ATPAF1: variants seen among roughly 807,000 people sequenced by gnomAD.
The protein encoded by ATPAF1 is homolog of yeast ATP11.
A neutral mutation model predicts 43.9 loss-of-function variants in ATPAF1; 26 were observed. That is an observed-to-expected ratio of 0.59 (90% CI 0.43 to 0.82). The LOEUF (loss-of-function observed/expected upper bound fraction) is 0.82, where lower values mean the gene tolerates loss of function less well. Ranked by LOEUF, ATPAF1 falls within the 40% of genes least tolerant of loss-of-function variation. ATPAF1 has a pLI of 0.00. For missense variants in ATPAF1, 366 were observed against 435.0 expected, an observed-to-expected ratio of 0.84 and a Z score of 1.41; for synonymous variants, 157 against 168.0, an observed-to-expected ratio of 0.93 and a Z score of 0.50.
At position 46,663,942 on chromosome 1, in the gene ATPAF1, A is replaced by G. The variant is rs1676444741; in HGVS notation, c.375+1314T>C. The G allele has an allele frequency of 4.7e-6, 6 of 1,266,374 alleles. No homozygotes were observed. In the South Asian group the frequency reaches 7.6e-5, roughly 16 times the overall value. The allele number at this position is 1,266,374 out of a possible 1,614,324, so 78.4% of individuals were successfully genotyped here. A position where few individuals can be genotyped will look rare whatever the true frequency, so the allele number is the denominator to read the frequency against. On this transcript the variant is annotated intron_variant, in intron 2 of 8. Transcript: ENST00000574428. ...CACCATCCTAGGTTAGAATTTTTCA[A>G]ATAATAGGTTGTGAAATACATTTAG...
At chr1:46,635,867 T>A in exon 9 of ATPAF1, 1 of 1,614,242 alleles carries the variant, frequency 6.2e-7, no homozygotes, top group Non-Finnish European at 8.5e-7. Flanking sequence ...TTTGAACTCA[T>A]TTGGTCTGAG....
At chr1:46,633,877 C>T (rs541391409), downstream of ATPAF1, 51 of 454,498 alleles carry the variant, frequency 1.1e-4, no homozygotes, top group African/African-American at 9.6e-4. Flanking sequence ...ACAACCCCAT[C>T]TGATGTCAAA....
chr1:46,647,757 C>T (rs1446012447), intron 6 of ATPAF1, among the ~76,000 whole-genome samples: 2 of 152,168 alleles, frequency 1.3e-5, no homozygotes, highest in African/African-American at 4.8e-5. Flanking sequence ...GTGGTTGTAC[C>T]ATTTTGCAAT....
intron 6 of ATPAF1, among the ~76,000 whole-genome samples, chr1:46,650,258 G>C (rs903823898): frequency 6.7e-6 from 1 of 149,926 alleles, no homozygotes; most frequent in Non-Finnish European, 1.5e-5. Context: ...AAAAAAAAAA[G>C]ACAACCTGTA....
intron 2 of ATPAF1, among the ~76,000 whole-genome samples, chr1:46,660,061 C>T (rs1360195734): frequency 2.0e-5 from 3 of 151,522 alleles, no homozygotes; most frequent in Non-Finnish European, 4.4e-5. Flanking sequence ...ACTGCAACCT[C>T]TGCCTCCCAG....
chr1:46,661,912 T>C (rs1436102752), intron 2 of ATPAF1, among the ~76,000 whole-genome samples: 1 of 151,508 alleles, frequency 6.6e-6, no homozygotes, highest in Non-Finnish European at 1.5e-5. Context: ...TTTTTTTTTT[T>C]AAGATGGAGT....
At position 46,658,686 on chromosome 1, in the gene ATPAF1, C is replaced by A; in HGVS notation, c.426+1G>T. The A allele has an allele frequency of 6.3e-7, 1 of 1,597,658 alleles. No individual in the cohort carries two copies. Among genetic ancestry groups the A allele is most frequent in the African/African-American group, 1.4e-5 (1 of 73,854 alleles). On this transcript the variant is annotated splice_donor_variant, in intron 3 of 8. Coordinates refer to ENST00000574428, the Ensembl canonical transcript of ATPAF1. LOFTEE classifies it high-confidence loss of function. Reference sequence around the variant, plus strand: ...TTTCCTATATTTAATTAGAAACCTACCTTGTCCTTAGTGAATCCTCTGTTC... The same window carrying A: ...TTTCCTATATTTAATTAGAAACCTAACTTGTCCTTAGTGAATCCTCTGTTC...
chr1:46,645,041 G>T, intron 7 of ATPAF1, 120 bp downstream of exon 7: 1 of 772,844 alleles, frequency 1.3e-6, no homozygotes, highest in Non-Finnish European at 2.1e-6. Flanking sequence ...ATTCATCTGC[G>T]CCACAATAAT....
chr1:46,661,775 C>T (rs753867179), intron 2 of ATPAF1, among the ~76,000 whole-genome samples: 5 of 152,066 alleles, frequency 3.3e-5, no homozygotes, highest in Non-Finnish European at 7.3e-5. Context: ...ATGTGTTAGC[C>T]GTTAGCCTTC....
Position 46,668,220 on chromosome 1 carries a change from C to G in ATPAF1, c.103G>C (p.Gly35Arg). The G allele has an allele frequency of 7.3e-7, 1 of 1,373,928 alleles. No homozygotes were observed. The highest frequency in any genetic ancestry group is 9.4e-7 in the Non-Finnish European group (1 of 1,062,974). The allele number at this position is 1,373,928 out of a possible 1,614,324, so 85.1% of individuals were successfully genotyped here. A position where few individuals can be genotyped will look rare whatever the true frequency, so the allele number is the denominator to read the frequency against. ...TGCGCGGGTGACACGAGCCCCAGGC[C>G]CAGGGCGCGGCTGCGCACCGCGCAC... Residue 35 changes from glycine to arginine, a missense_variant, in exon 1 of 9, where the codon GGC (glycine) becomes CGC (arginine). Gly to Arg is a moderately radical substitution (Grantham distance 125, BLOSUM62 -2). This residue lies in a region of ATPAF1 where 186 missense variants were observed against 168.5 expected (regional missense o/e 1.10). Transcript: ENST00000574428. This position sits in a 1 kb window ranked among gnomAD's most constrained non-coding sequence, Gnocchi z 4.4.
At chr1:46,654,528 T>TTTATTTTTTTATTATTATTA (rs1553218331) in intron 4 of ATPAF1, among the ~76,000 whole-genome samples, 6 of 135,280 alleles carry the variant, frequency 4.4e-5, no homozygotes, top group African/African-American at 1.8e-4. Context: ...TATTTATTTA[T>TTTATTTTTTTATTATTATTA]TTATTATTAT....
At chr1:46,665,889 G>T (rs781632186) in intron 1 of ATPAF1, 214 of 1,391,618 alleles carry the variant, frequency 1.5e-4, no homozygotes, top group Admixed American at 8.2e-4. Flanking sequence ...CAAAGAAGCT[G>T]CTCTTGGAGA....
intron 6 of ATPAF1, among the ~76,000 whole-genome samples, chr1:46,647,389 T>C (rs185979094): frequency 6.6e-6 from 1 of 152,266 alleles, no homozygotes; most frequent in African/African-American, 2.4e-5. Flanking sequence ...TCCTTCACCA[T>C]TTGGGGGTCG....
At chr1:46,647,189 C>T (rs866641648) in intron 6 of ATPAF1, among the ~76,000 whole-genome samples, 1 of 152,170 alleles carries the variant, frequency 6.6e-6, no homozygotes, top group Non-Finnish European at 1.5e-5. Context: ...ACTGTATCCA[C>T]CTACACATTC....
chr1:46,657,978 T>G, intron 4 of ATPAF1, 149 bp downstream of exon 4: 1 of 771,472 alleles, frequency 1.3e-6, no homozygotes, highest in Non-Finnish European at 2.2e-6. Flanking sequence ...AGTTTTCTTA[T>G]GACATTGTTC....
At chr1:46,665,266 A>G (rs1331174896) in exon 2 of ATPAF1, 2 of 1,614,238 alleles carry the variant, frequency 1.2e-6, no homozygotes, top group Non-Finnish European at 1.7e-6. Flanking sequence ...CTTCTGTTCC[A>G]CACATTTGAT....
intron 8 of ATPAF1, among the ~76,000 whole-genome samples, chr1:46,636,359 T>C (rs777259364): frequency 3.9e-5 from 6 of 152,172 alleles, no homozygotes; most frequent in Admixed American, 1.3e-4. Context: ...CTGTTAAATA[T>C]ATTTCAAGGG....
chr1:46,637,397 A>T lies in ATPAF1; in HGVS notation c.793-1427T>A, dbSNP rs1675863752. On this transcript the variant is annotated intron_variant, in intron 8 of 8. Transcript: ENST00000574428. ...TCTATCTCTAAAAATAAAAATTAAA[A>T]AATGACAGAGATGGGGGTTAGAACA... Among the ~76,000 whole-genome samples the T allele has an allele frequency of 2.0e-5, 3 of 152,254 alleles. No individual in the cohort carries two copies. The South Asian group carries it at 6.2e-4, about 32-fold the overall frequency.
Position 46,636,047 on chromosome 1 carries a change from G to A in ATPAF1, c.793-77C>T, listed in dbSNP as rs755128268. 1.0e-5 allele frequency: 16 copies of A among 1,528,910 alleles called. No individual in the cohort carries two copies. The South Asian group carries it at 1.1e-4, about 11-fold the overall frequency. The allele number at this position is 1,528,910 out of a possible 1,614,324, so 94.7% of individuals were successfully genotyped here. A position where few individuals can be genotyped will look rare whatever the true frequency, so the allele number is the denominator to read the frequency against. On this transcript the variant is annotated intron_variant, in intron 8 of 8. Transcript: ENST00000574428. The stretch of plus-strand genomic sequence containing the variant: ...TCTTGTCTGAATTGTGTGGTGGGTG[G>A]GGGCCCTCGCCCAGGAGTCACCACT...
Sources: gnomAD v4.1 joint callset for allele counts (sites outside exome capture counted in the v4.1 genomes callset) on GRCh38, gnomAD v4.1.1 for gene constraint, gnomAD v4.1.1 regional missense constraint, Gnocchi (gnomAD v3.1) non-coding constraint, MANE v1.5 for transcripts, NCBI Gene and HGNC (gene_info 2026-07-23, HGNC 2026-07-21) for gene names.